The following PCDH11X variants were observed in gnomAD, a reference collection of about 807,000 sequenced individuals.
PCDH11X encodes the protein protocadherin-11 X-linked.
A neutral mutation model predicts 53.3 loss-of-function variants in PCDH11X; 18 were observed. The observed-to-expected ratio is 0.34, with a 90% CI of 0.23 to 0.50. The LOEUF is 0.50. PCDH11X is among the 20% of genes least tolerant of loss of function. The pLI, the probability that PCDH11X is intolerant of heterozygous loss-of-function variation, is 0.98. For missense variants in PCDH11X, 570 were observed against 1,032.4 expected, an observed-to-expected ratio of 0.55 and a Z score of 6.14; for synonymous variants, 279 against 393.3, an observed-to-expected ratio of 0.71 and a Z score of 3.44.
chrX:91,974,709 G>A (rs1277546263), intron 6 of PCDH11X, among the ~76,000 whole-genome samples: 2 of 109,176 alleles, frequency 1.8e-5, no homozygotes, highest in African/African-American at 6.6e-5. Flanking sequence ...GACATGGCAG[G>A]CCTTTGCCTA....
At chrX:91,972,165 T>C (rs1329433126) in intron 6 of PCDH11X, among the ~76,000 whole-genome samples, 2 of 103,546 alleles carry the variant, frequency 1.9e-5, no homozygotes, top group Admixed American at 1.1e-4. Flanking sequence ...TGGTATCTCA[T>C]TGTGGTTTTG....
chrX:92,003,011 A>AT (rs1425502936), intron 6 of PCDH11X, among the ~76,000 whole-genome samples: 12 of 93,514 alleles, frequency 1.3e-4, no homozygotes, highest in Non-Finnish European at 1.7e-4. Context: ...ATTCACTGTG[A>AT]TACTATGTAT....
intron 8 of PCDH11X, among the ~76,000 whole-genome samples, chrX:92,275,763 G>A (rs1191411618): frequency 2.7e-5 from 3 of 111,663 alleles, no homozygotes; most frequent in East Asian, 5.6e-4. Context: ...TGTAGCAGGC[G>A]AGTGATAACA....
chrX:92,510,725 T>C (rs2074146921), intron 10 of PCDH11X, among the ~76,000 whole-genome samples: 1 of 110,729 alleles, frequency 9.0e-6, no homozygotes, highest in Admixed American at 9.7e-5. Flanking sequence ...GTGCATGTTC[T>C]CTTAATAGAA....
At chrX:92,065,374 A>G in intron 6 of PCDH11X, among the ~76,000 whole-genome samples, 1 of 111,392 alleles carries the variant, frequency 9.0e-6, no homozygotes, top group Middle Eastern at 4.6e-3. Flanking sequence ...TTTTGGATAT[A>G]TACCCAACAG....
chrX:91,831,088 A>G (rs1232036743), intron 4 of PCDH11X, among the ~76,000 whole-genome samples: 2 of 111,852 alleles, frequency 1.8e-5, no homozygotes, highest in East Asian at 5.6e-4. Context: ...ACCTACTCAG[A>G]GATGATAAAA....
At chrX:92,139,061 A>T (rs1421566271) in intron 6 of PCDH11X, among the ~76,000 whole-genome samples, 1 of 107,092 alleles carries the variant, frequency 9.3e-6, no homozygotes, top group East Asian at 2.9e-4. Context: ...TATGCCCTTG[A>T]AATTGCATTT....
At chrX:91,944,795 G>T (rs1294030945) in intron 6 of PCDH11X, among the ~76,000 whole-genome samples, 10 of 107,877 alleles carry the variant, frequency 9.3e-5, no homozygotes, top group Non-Finnish European at 1.9e-4. Flanking sequence ...TTAGTTGACA[G>T]AAAAAAATCA....
intron 4 of PCDH11X, among the ~76,000 whole-genome samples, chrX:91,820,295 A>C (rs1936618261): frequency 2.5e-5 from 2 of 79,223 alleles, no homozygotes; most frequent in Admixed American, 1.4e-4. Flanking sequence ...CCAACAGTGT[A>C]AAAGTGTTCC....
intron 7 of PCDH11X, among the ~76,000 whole-genome samples, chrX:92,216,837 G>T: frequency 9.6e-6 from 1 of 104,376 alleles, no homozygotes; most frequent in South Asian, 4.7e-4. Flanking sequence ...AAGCCCATCA[G>T]ACTAACAGCG....
intron 10 of PCDH11X, among the ~76,000 whole-genome samples, chrX:92,538,189 G>T (rs1452648639): frequency 9.3e-6 from 1 of 107,872 alleles, no homozygotes. Flanking sequence ...ATATATTCTT[G>T]CCATTTTCTG....
At chrX:92,246,376 A>G (rs898920377) in intron 7 of PCDH11X, among the ~76,000 whole-genome samples, 5 of 111,338 alleles carry the variant, frequency 4.5e-5, no homozygotes, top group African/African-American at 1.6e-4. Context: ...GTTTTGAGAC[A>G]GAGTCTCACT....
chrX:92,284,519 G>T (rs897643348), intron 8 of PCDH11X, among the ~76,000 whole-genome samples: 9 of 112,067 alleles, frequency 8.0e-5, no homozygotes, highest in Non-Finnish European at 1.7e-4. Flanking sequence ...ACTGTTAGCA[G>T]GATTTAAGAT....
At chrX:92,077,109 G>T (rs1419499816) in intron 6 of PCDH11X, among the ~76,000 whole-genome samples, 1 of 112,028 alleles carries the variant, frequency 8.9e-6, no homozygotes, top group Non-Finnish European at 1.9e-5. Context: ...CATTGTGCTA[G>T]TTGCCAGGGA....
chrX:92,215,418 A>T (rs2066679564), intron 7 of PCDH11X, among the ~76,000 whole-genome samples: 1 of 104,131 alleles, frequency 9.6e-6, no homozygotes, highest in African/African-American at 3.5e-5. Flanking sequence ...CCTGGCTCGG[A>T]AGGTCCTATG....
At chrX:92,540,167 G>T (rs1001765559) in intron 10 of PCDH11X, among the ~76,000 whole-genome samples, 2 of 111,347 alleles carry the variant, frequency 1.8e-5, no homozygotes, top group African/African-American at 6.5e-5. Context: ...TCAGGCCCCA[G>T]ACTTGTGCAG....
At chrX:92,340,046 C>T (rs151331513) in intron 8 of PCDH11X, among the ~76,000 whole-genome samples, 640 of 111,594 alleles carry the variant, frequency 5.7e-3, no homozygotes, top group African/African-American at 0.02. Context: ...ATTCTCATTC[C>T]GAAAAAGAGA....
chrX:92,156,411 A>G (rs777063886), intron 6 of PCDH11X, among the ~76,000 whole-genome samples: 1 of 111,336 alleles, frequency 9.0e-6, no homozygotes, highest in South Asian at 3.8e-4. Flanking sequence ...TCACCTTTTC[A>G]GTGAGGTCTT....
At chrX:92,506,771 C>A (rs2074071329) in intron 10 of PCDH11X, among the ~76,000 whole-genome samples, 1 of 108,171 alleles carries the variant, frequency 9.2e-6, no homozygotes, top group African/African-American at 3.4e-5. Context: ...TTTTTGGAAT[C>A]ATTTCAGAAG....
Sources: allele counts gnomAD v4.1 joint callset (sites outside exome capture counted in the v4.1 genomes callset), GRCh38; gene constraint gnomAD v4.1.1; transcripts MANE v1.5; gene names NCBI Gene and HGNC (gene_info 2026-07-23, HGNC 2026-07-21).